Variants in CREB3L2 observed in about 807,000 individuals in gnomAD.
The protein encoded by CREB3L2 is cAMP responsive element binding protein 3 like 2, also known as cyclic AMP-responsive element-binding protein 3-like protein 2.
Under a neutral mutation model 57.2 loss-of-function variants are expected in CREB3L2, and 23 were observed. The observed-to-expected ratio is 0.40, with a 90% CI of 0.29 to 0.57. The LOEUF (loss-of-function observed/expected upper bound fraction) is 0.57. CREB3L2 is among the 20% of genes least tolerant of loss of function. The pLI, the probability that CREB3L2 is intolerant of heterozygous loss-of-function variation, is 0.42. For missense variants in CREB3L2, 628 were observed against 634.7 expected (o/e 0.99, Z 0.11); for synonymous variants, 268 against 265.1 (o/e 1.01, Z -0.11).
intron 8 of CREB3L2, among the ~76,000 whole-genome samples, chr7:137,900,608 A>T (rs1005606457): frequency 3.3e-5 from 5 of 151,998 alleles, no homozygotes; most frequent in Non-Finnish European, 7.4e-5. Context: ...CATCCTGGCC[A>T]ACATGGTGAA....
chr7:137,880,496 T>C lies in CREB3L2; in HGVS notation c.1543A>G (p.Arg515Gly). The C allele has an allele frequency of 6.2e-7, 1 of 1,613,764 alleles. No homozygotes were observed. The highest frequency in any genetic ancestry group is 2.2e-5 in the East Asian group (1 of 44,884). Residue 515 changes from arginine (R) to glycine (G), a missense_variant, in exon 12 of 12, where the codon AGA becomes GGA. Transcript: ENST00000330387. The surrounding 1 kb of genome is among the most constrained non-coding windows in gnomAD (Gnocchi z 4.0). Reference sequence around the variant, plus strand: ...CCTCTTTAGAAAGTGGTGTTCACTCTTCTGTCGAGTTCTACAACTTTTAGT... The same window carrying C: ...CCTCTTTAGAAAGTGGTGTTCACTCCTCTGTCGAGTTCTACAACTTTTAGT... ...ETLKVVELDR[R>G]VNTTF is the part of the protein sequence containing the mutation.
chr7:137,884,999 G>T lies in CREB3L2; in HGVS notation c.1266C>A (p.Ser422=). 2 of 1,614,178 alleles carry T rather than the reference G, an allele frequency of 1.2e-6. No individual in the cohort carries two copies. Among genetic ancestry groups the T allele is most frequent in the Non-Finnish European group, 1.7e-6 (2 of 1,180,032 alleles). ...ACTTGCCACATGCTGTCTTACCCAC[G>T]GAGGCTGTGTAGGGCTCCTGCAGGG... ...QHSLQEPYTA[S]VVRSRNLLIY... The change falls in exon 10 of 12, where the codon TCC becomes TCA. Residue 422 remains serine (S), a synonymous_variant. Coordinates refer to ENST00000330387, the MANE Select transcript of CREB3L2 (RefSeq NM_194071.4).
chr7:137,905,921 G>A (rs1563246842), intron 5 of CREB3L2, 73 bp from the exon 6 acceptor site: 1 of 1,388,546 alleles, frequency 7.2e-7, no homozygotes, highest in African/African-American at 1.5e-5. Context: ...CTCCCAATGG[G>A]ATGATGAGAA....
chr7:137,925,567 A>C (rs1800434555), intron 2 of CREB3L2, among the ~76,000 whole-genome samples: 1 of 152,226 alleles, frequency 6.6e-6, no homozygotes, highest in African/African-American at 2.4e-5. Flanking sequence ...CTAACAGAGC[A>C]CTTGGGTTTG....
intron 1 of CREB3L2, among the ~76,000 whole-genome samples, chr7:137,960,970 C>T (rs975225617): frequency 6.6e-6 from 1 of 151,698 alleles, no homozygotes; most frequent in African/African-American, 2.4e-5. Context: ...TGTGCCACCA[C>T]ACCCGGCTAA....
intron 1 of CREB3L2, among the ~76,000 whole-genome samples, chr7:137,977,952 AGGAGG>A (rs572451756): frequency 1.1e-4 from 14 of 131,922 alleles, no homozygotes; most frequent in Admixed American, 3.2e-4. Context: ...GGAAAGGAAA[AGGAGG>A]GGAGGGGAGG....
chr7:137,964,145 G>A (rs1452853794), intron 1 of CREB3L2, among the ~76,000 whole-genome samples: 1 of 152,032 alleles, frequency 6.6e-6, no homozygotes, highest in African/African-American at 2.4e-5. Context: ...GTGAAACCCT[G>A]TCTCTACTAA....
At position 137,905,636 on chromosome 7, in the gene CREB3L2, G is replaced by T. The variant is rs1799869458; in HGVS notation, c.915+66C>A. The T allele has an allele frequency of 1.9e-6, 3 of 1,551,816 alleles. No homozygotes were observed. The South Asian group carries it at 3.3e-5, about 17-fold the overall frequency. ...GTAGTGCTGGCCGTTGGGAAGGCAG[G>T]GAAAGGGATGCTGACTCGATTCTGC... On this transcript the variant is annotated intron_variant, in intron 6 of 11. Coordinates refer to ENST00000330387, the MANE Select transcript of CREB3L2 (RefSeq NM_194071.4).
At chr7:137,913,506 CAA>C (rs33940093) in intron 3 of CREB3L2, among the ~76,000 whole-genome samples, 6,819 of 108,618 alleles carry the variant, frequency 0.063, 307 homozygotes, top group Admixed American at 0.2. Context: ...GACCCTATCT[CAA>C]AAAAAAAAAA....
At chr7:137,962,789 C>T (rs2117288510) in intron 1 of CREB3L2, among the ~76,000 whole-genome samples, 1 of 152,356 alleles carries the variant, frequency 6.6e-6, no homozygotes, top group East Asian at 1.9e-4. Context: ...ACTTGATTCA[C>T]TGCTACAACA....
intron 1 of CREB3L2, among the ~76,000 whole-genome samples, chr7:137,973,467 G>C (rs554862530): frequency 1.5e-4 from 23 of 152,212 alleles, no homozygotes; most frequent in Non-Finnish European, 2.9e-4. Context: ...TCGGGAGCTA[G>C]AGGAAAGCTC....
rs895078364 is a variant in CREB3L2 at position 137,962,263 on chromosome 7, T to C, written c.103-33897A>G. Among the ~76,000 whole-genome samples the C allele has an allele frequency of 5.3e-5, 8 of 152,270 alleles. No individual in the cohort carries two copies. The East Asian group carries it at 1.5e-3, about 29-fold the overall frequency. ...AAAGCTGTCTCTTGGTACCTTTCAC[T>C]AGATGGCCATGGCTCTGACTTTGGA... is the stretch of plus-strand genomic sequence containing the variant. On this transcript the variant is annotated intron_variant, in intron 1 of 11. Coordinates refer to ENST00000330387, the MANE Select transcript of CREB3L2 (RefSeq NM_194071.4).
rs1645427141 is a variant in CREB3L2 at position 137,878,280 on chromosome 7, T to G, written c.*2196A>C. On this transcript the variant is annotated 3_prime_UTR_variant, in exon 12 of 12. Transcript: ENST00000330387. ...TGGGAGCCTTGAAAACCCAGTCTGGTTCAGTTGCAGCAGGTACATGGGTTG... is the reference window on the plus strand; with the variant it reads ...TGGGAGCCTTGAAAACCCAGTCTGGGTCAGTTGCAGCAGGTACATGGGTTG... The G allele has an allele frequency of 8.6e-6, 2 of 232,770 alleles. No homozygotes were observed. The highest frequency in any genetic ancestry group is 4.4e-5 in the African/African-American group (2 of 45,330). 14.4% of individuals were successfully genotyped at this position (232,770 alleles called of 1,614,324 possible).
intron 3 of CREB3L2, among the ~76,000 whole-genome samples, chr7:137,913,863 AAG>A (rs1337768845): frequency 1.3e-5 from 2 of 152,172 alleles, no homozygotes; most frequent in African/African-American, 2.4e-5. Flanking sequence ...TGATCACTGA[AAG>A]AAAATAAGAG....
chr7:137,986,379 T>C (rs1026946666), intron 1 of CREB3L2, among the ~76,000 whole-genome samples: 9 of 152,200 alleles, frequency 5.9e-5, no homozygotes, highest in African/African-American at 1.9e-4. Flanking sequence ...CCCAGCTCCA[T>C]GGGACTGGGA....
intron 7 of CREB3L2, 107 bp from the exon 8 acceptor site, chr7:137,901,529 C>G: frequency 1.5e-6 from 1 of 646,680 alleles, no homozygotes; most frequent in Non-Finnish European, 2.8e-6. Context: ...TTGGGGGGAT[C>G]TGCCACCCCA....
At chr7:137,894,587 C>T (rs1396998308) in intron 8 of CREB3L2, among the ~76,000 whole-genome samples, 2 of 152,152 alleles carry the variant, frequency 1.3e-5, no homozygotes, top group Non-Finnish European at 2.9e-5. Context: ...TCCACATAGG[C>T]CCTGGAAATG....
Position 137,912,021 on chromosome 7 carries a change from T to C in CREB3L2, c.583+970A>G, listed in dbSNP as rs759298082. On this transcript the variant is annotated intron_variant, in intron 4 of 11. Coordinates refer to ENST00000330387, the MANE Select transcript of CREB3L2 (RefSeq NM_194071.4). Reference sequence around the variant, plus strand: ...CCAGGATTCCTAACTATGGGCTTCATAGGAGAACAAAGAGGGAGAAACTCA... The same window carrying C: ...CCAGGATTCCTAACTATGGGCTTCACAGGAGAACAAAGAGGGAGAAACTCA... 1.1e-3 allele frequency among the ~76,000 whole-genome samples: 172 copies of C among 152,060 alleles called. 2 individuals carry two copies. Among genetic ancestry groups the C allele is most frequent in the Non-Finnish European group, 4.7e-4 (32 of 68,000 alleles).
chr7:137,995,293 A>G (rs1051310421), intron 1 of CREB3L2, among the ~76,000 whole-genome samples: 1 of 151,014 alleles, frequency 6.6e-6, no homozygotes, highest in Admixed American at 6.6e-5. Flanking sequence ...CTGCTGAATC[A>G]GCCAACAAGG....
Sources: allele counts gnomAD v4.1 joint callset (sites outside exome capture counted in the v4.1 genomes callset), GRCh38; gene constraint gnomAD v4.1.1; non-coding constraint Gnocchi (gnomAD v3.1); transcripts MANE v1.5; gene names NCBI Gene and HGNC (gene_info 2026-07-23, HGNC 2026-07-21).